The following APBB2 variants were observed in gnomAD, a reference collection of about 807,000 sequenced individuals.
APBB2 encodes the protein amyloid beta precursor protein binding family B member 2.
APBB2 carries 38 observed loss-of-function variants against 82.5 expected under a neutral mutation model. The observed-to-expected ratio is 0.46, with a 90% CI of 0.36 to 0.60. The LOEUF (loss-of-function observed/expected upper bound fraction) is 0.60, where lower values mean the gene tolerates loss of function less well. APBB2 is among the 20% of genes least tolerant of loss of function. The pLI, the probability that APBB2 is intolerant of heterozygous loss-of-function variation, is 0.00. For synonymous variants in APBB2, 341 were observed against 368.2 expected (o/e 0.93, Z 0.85); for missense variants, 772 against 972.3 (o/e 0.79, Z 2.74).
chr4:40,995,547 AAT>A (rs892648379), intron 6 of APBB2, among the ~76,000 whole-genome samples: 1 of 150,692 alleles, frequency 6.6e-6, no homozygotes, highest in African/African-American at 2.5e-5. Flanking sequence ...AAAAAAAAAA[AAT>A]TTTTTTTTTT....
chr4:41,041,934 T>G (rs190645348), intron 4 of APBB2, among the ~76,000 whole-genome samples: 1 of 152,294 alleles, frequency 6.6e-6, no homozygotes, highest in Non-Finnish European at 1.5e-5. Context: ...AATCAGAAAT[T>G]TTTTCAATGA....
chr4:41,111,982 C>G (rs531327710), intron 2 of APBB2, among the ~76,000 whole-genome samples: 2 of 152,328 alleles, frequency 1.3e-5, no homozygotes, highest in African/African-American at 2.4e-5. Flanking sequence ...CACTGGAGCT[C>G]TTCCAAGTGG....
At chr4:40,834,418 A>C (rs895756195) in intron 12 of APBB2, among the ~76,000 whole-genome samples, 2 of 152,232 alleles carry the variant, frequency 1.3e-5, no homozygotes, top group African/African-American at 4.8e-5. Context: ...TCATCTATGG[A>C]CAATGAAACA....
chr4:40,821,646 C>T (rs1010357529), intron 17 of APBB2, among the ~76,000 whole-genome samples: 3 of 152,208 alleles, frequency 2.0e-5, no homozygotes, highest in South Asian at 2.1e-4. Flanking sequence ...TGAAACTCAT[C>T]GGAGCCTCTA....
chr4:40,945,431 C>T, intron 6 of APBB2, among the ~76,000 whole-genome samples: 1 of 152,162 alleles, frequency 6.6e-6, no homozygotes, highest in Non-Finnish European at 1.5e-5. Context: ...GTACTGAATG[C>T]TTTTGTCAAT....
At chr4:40,847,097 A>C (rs911412249) in intron 12 of APBB2, among the ~76,000 whole-genome samples, 7 of 152,192 alleles carry the variant, frequency 4.6e-5, no homozygotes, top group Non-Finnish European at 1.0e-4. Context: ...GGATAACGTT[A>C]TATAAATTCT....
intron 4 of APBB2, among the ~76,000 whole-genome samples, chr4:41,037,377 CAT>C (rs1055022691): frequency 1.1e-4 from 17 of 152,138 alleles, no homozygotes; most frequent in Non-Finnish European, 1.5e-4. Context: ...TTAAATAAAA[CAT>C]GTTAAAAATA....
chr4:41,014,174 A>G lies in APBB2; in HGVS notation c.244T>C (p.Ser82Pro). The change falls in exon 6 of 18, where the codon TCG becomes CCG. Residue 82 changes from serine (S) to proline (P), a missense_variant. Coordinates refer to ENST00000508593, the MANE Select transcript of APBB2 (RefSeq NM_004307.2). ...LTNIQAAMGLSDPAAQPLLGN... is the reference protein window; with the variant it reads ...LTNIQAAMGLPDPAAQPLLGN... Reference sequence around the variant, plus strand: ...AGCAGGGGCTGTGCAGCTGGATCCGAGAGGCCCATGGCCGCCTGGATGTTA... The same window carrying G: ...AGCAGGGGCTGTGCAGCTGGATCCGGGAGGCCCATGGCCGCCTGGATGTTA... 6.2e-6 allele frequency: 10 copies of G among 1,614,218 alleles called. No individual in the cohort carries two copies. Among genetic ancestry groups the G allele is most frequent in the Non-Finnish European group, 8.5e-6 (10 of 1,180,036 alleles).
chr4:40,926,301 CA>C (rs1211712748), intron 10 of APBB2, among the ~76,000 whole-genome samples: 1 of 152,182 alleles, frequency 6.6e-6, no homozygotes, highest in African/African-American at 2.4e-5. Context: ...CCCACAGGTA[CA>C]GTAACGTGTG....
At chr4:40,856,829 C>T (rs189633962) in intron 12 of APBB2, among the ~76,000 whole-genome samples, 3 of 152,352 alleles carry the variant, frequency 2.0e-5, no homozygotes, top group Admixed American at 2.0e-4. Context: ...GCAGAAAGCC[C>T]CCTCTTCAGC....
At chr4:40,981,089 A>G (rs1213188454) in intron 6 of APBB2, among the ~76,000 whole-genome samples, 1 of 152,194 alleles carries the variant, frequency 6.6e-6, no homozygotes, top group Non-Finnish European at 1.5e-5. Flanking sequence ...ATCCTTTTAT[A>G]AATGAAGAAC....
chr4:41,068,891 G>GT (rs1732885132), intron 3 of APBB2, among the ~76,000 whole-genome samples: 1 of 144,932 alleles, frequency 6.9e-6, no homozygotes, highest in Non-Finnish European at 1.5e-5. Context: ...CGACTTCCTG[G>GT]TTCAAGTAAT....
At chr4:41,196,923 G>A in intron 1 of APBB2, among the ~76,000 whole-genome samples, 2 of 151,870 alleles carry the variant, frequency 1.3e-5, no homozygotes, top group African/African-American at 4.9e-5. Context: ...CAAGTGAGGC[G>A]GCACCACCAC....
chr4:40,876,708 A>C (rs1767008608), intron 12 of APBB2, among the ~76,000 whole-genome samples: 1 of 152,196 alleles, frequency 6.6e-6, no homozygotes. Context: ...TTGTTATATT[A>C]TTTTTAAAAA....
intron 6 of APBB2, among the ~76,000 whole-genome samples, chr4:40,981,537 T>C (rs1033880244): frequency 6.6e-6 from 1 of 152,186 alleles, no homozygotes; most frequent in Non-Finnish European, 1.5e-5. Flanking sequence ...GCATTAAAGA[T>C]AAAATGACTT....
intron 6 of APBB2, among the ~76,000 whole-genome samples, chr4:41,005,943 C>G (rs547231281): frequency 6.6e-6 from 1 of 152,202 alleles, no homozygotes; most frequent in Non-Finnish European, 1.5e-5. Flanking sequence ...AGCACTCAAG[C>G]CTCTCACAGG....
At chr4:40,925,094 C>T (rs575729903) in intron 10 of APBB2, among the ~76,000 whole-genome samples, 2 of 152,324 alleles carry the variant, frequency 1.3e-5, no homozygotes, top group South Asian at 2.1e-4. Flanking sequence ...CCCCTTTCAA[C>T]CAGCCATGGA....
At chr4:41,006,456 T>C (rs1806766148) in intron 6 of APBB2, among the ~76,000 whole-genome samples, 1 of 152,120 alleles carries the variant, frequency 6.6e-6, no homozygotes, top group Non-Finnish European at 1.5e-5. Context: ...ATTTATTTAT[T>C]TATTTTTTAT....
At chr4:40,917,158 G>A (rs11725895) in intron 10 of APBB2, among the ~76,000 whole-genome samples, 22,141 of 152,178 alleles carry the variant, frequency 0.15, 2,091 homozygotes, top group Non-Finnish European at 0.21. Flanking sequence ...TTGAGGCCCT[G>A]CAGAAGTTTA....
Sources: gnomAD v4.1 joint callset for allele counts (sites outside exome capture counted in the v4.1 genomes callset) on GRCh38, gnomAD v4.1.1 for gene constraint, MANE v1.5 for transcripts, NCBI Gene and HGNC (gene_info 2026-07-23, HGNC 2026-07-21) for gene names.